VAV3: variants seen among roughly 807,000 people sequenced by gnomAD.
VAV3 encodes the protein vav guanine nucleotide exchange factor 3.
A neutral mutation model predicts 131.2 loss-of-function variants in VAV3; 94 were observed. That is an observed-to-expected ratio of 0.72 (90% confidence interval 0.61 to 0.85). VAV3 has a LOEUF of 0.85. Among genes scored for constraint, VAV3 ranks in the 40% least tolerant of loss-of-function variants. The pLI, the probability that VAV3 is intolerant of heterozygous loss-of-function variation, is 0.00. For synonymous variants in VAV3, 349 were observed against 342.0 expected (o/e 1.02, Z -0.22); for missense variants, 939 against 1,002.7 (o/e 0.94, Z 0.86).
chr1:107,964,569 C>G, intron 1 of VAV3, 97 bp downstream of exon 1: 1 of 1,360,886 alleles, frequency 7.3e-7, no homozygotes, highest in Admixed American at 2.2e-5. Flanking sequence ...AGGGCAAGCT[C>G]AGCGCACCTA....
At chr1:107,586,530 A>C (rs1487807538) in intron 25 of VAV3, among the ~76,000 whole-genome samples, 1 of 152,226 alleles carries the variant, frequency 6.6e-6, no homozygotes, top group Non-Finnish European at 1.5e-5. Context: ...GTTTTGAATA[A>C]AGAAAAATCT....
At chr1:107,864,440 G>T (rs1166728515) in intron 2 of VAV3, among the ~76,000 whole-genome samples, 1 of 152,086 alleles carries the variant, frequency 6.6e-6, no homozygotes, top group Non-Finnish European at 1.5e-5. Flanking sequence ...TGGGCAACAT[G>T]GCAAAACCCT....
At chr1:107,582,812 T>C (rs527705360) in intron 25 of VAV3, among the ~76,000 whole-genome samples, 6 of 152,244 alleles carry the variant, frequency 3.9e-5, no homozygotes, top group South Asian at 4.2e-4. Context: ...CAGTCTATCA[T>C]TGTTGGACAT....
chr1:107,958,288 A>C (rs1367258845), intron 1 of VAV3, among the ~76,000 whole-genome samples: 1 of 152,242 alleles, frequency 6.6e-6, no homozygotes, highest in African/African-American at 2.4e-5. Context: ...TCTGTAAGTC[A>C]CACCACCTTG....
intron 1 of VAV3, among the ~76,000 whole-genome samples, chr1:107,937,853 A>T (rs1333652497): frequency 6.6e-6 from 1 of 152,246 alleles, no homozygotes; most frequent in Non-Finnish European, 1.5e-5. Flanking sequence ...AAAATTTTAG[A>T]ATGTAGTACA....
intron 15 of VAV3, among the ~76,000 whole-genome samples, chr1:107,709,293 T>C (rs191571884): frequency 2.0e-5 from 3 of 152,296 alleles, no homozygotes; most frequent in Admixed American, 2.0e-4. Flanking sequence ...AAATTAATGC[T>C]AGATATTCAT....
chr1:107,952,355 T>C (rs1347535153), intron 1 of VAV3, among the ~76,000 whole-genome samples: 1 of 151,328 alleles, frequency 6.6e-6, no homozygotes, highest in Non-Finnish European at 1.5e-5. Flanking sequence ...AAATCACTAA[T>C]GGGTACTAGG....
At chr1:107,605,846 C>A (rs1327450461) in intron 22 of VAV3, among the ~76,000 whole-genome samples, 4 of 152,162 alleles carry the variant, frequency 2.6e-5, no homozygotes, top group African/African-American at 9.7e-5. Flanking sequence ...CTGAAAAAAT[C>A]TGAAATTCAA....
At chr1:107,692,132 G>A (rs1442974218) in intron 17 of VAV3, among the ~76,000 whole-genome samples, 1 of 152,060 alleles carries the variant, frequency 6.6e-6, no homozygotes, top group African/African-American at 2.4e-5. Flanking sequence ...CTATCATCGT[G>A]ACTAAAGTGC....
chr1:107,881,671 A>G (rs929798178), intron 1 of VAV3, among the ~76,000 whole-genome samples: 1 of 152,204 alleles, frequency 6.6e-6, no homozygotes, highest in South Asian at 2.1e-4. Context: ...AAAGCACTCA[A>G]TATCAATGCA....
At chr1:107,790,190 C>T (rs1463538984) in intron 2 of VAV3, among the ~76,000 whole-genome samples, 2 of 152,204 alleles carry the variant, frequency 1.3e-5, no homozygotes, top group African/African-American at 4.8e-5. Flanking sequence ...GAAAAGGTGG[C>T]CAGCCCTGGA....
intron 21 of VAV3, among the ~76,000 whole-genome samples, chr1:107,612,912 G>A (rs1198595891): frequency 6.6e-6 from 1 of 152,040 alleles, no homozygotes; most frequent in Non-Finnish European, 1.5e-5. Context: ...TCCAGTGCCT[G>A]CCTTTGAGCT....
intron 1 of VAV3, among the ~76,000 whole-genome samples, chr1:107,916,092 T>C (rs1346024842): frequency 6.6e-6 from 1 of 152,176 alleles, no homozygotes; most frequent in African/African-American, 2.4e-5. Context: ...TAACAAAAAC[T>C]ATTAATACTT....
At position 107,954,772 on chromosome 1, in the gene VAV3, G is replaced by GGC. The variant is rs1553235763; in HGVS notation, c.204+9893_204+9894insGC. Among the ~76,000 whole-genome samples, 2 of 149,984 alleles carry GGC rather than the reference G, an allele frequency of 1.3e-5. 1 individual carries two copies. Among genetic ancestry groups the GGC allele is most frequent in the African/African-American group, 5.0e-5 (2 of 39,660 alleles). On this transcript the variant is annotated intron_variant, in intron 1 of 26. Coordinates refer to ENST00000370056, the MANE Select transcript of VAV3 (RefSeq NM_006113.5). ...ACAACAGGAAAATACCATGGGAGGG[G>GGC]GGGAAATTCATTGCAGTCCTCATCG...
intron 20 of VAV3, among the ~76,000 whole-genome samples, chr1:107,622,847 A>G (rs1447577939): frequency 6.6e-6 from 1 of 152,224 alleles, no homozygotes; most frequent in Non-Finnish European, 1.5e-5. Context: ...TAATGGGAAT[A>G]TAGGTGAATA....
At chr1:107,897,216 A>G (rs1463515041) in intron 1 of VAV3, 1 of 151,352 alleles carries the variant, frequency 6.6e-6, no homozygotes, top group East Asian at 2.0e-4. Context: ...TTGAACAACT[A>G]AATTAATAAA....
chr1:107,740,406 T>C (rs1188586731), intron 15 of VAV3, among the ~76,000 whole-genome samples: 2 of 152,182 alleles, frequency 1.3e-5, no homozygotes, highest in African/African-American at 4.8e-5. Context: ...AACCATGTGA[T>C]AAAACTTAAT....
intron 25 of VAV3, chr1:107,576,567 T>A: frequency 9.6e-7 from 1 of 1,046,206 alleles, no homozygotes; most frequent in African/African-American, 1.6e-5. Context: ...ACTTCTTTCC[T>A]ATCACCATTT....
chr1:107,859,010 G>C (rs987697932), intron 2 of VAV3, among the ~76,000 whole-genome samples: 1 of 151,316 alleles, frequency 6.6e-6, no homozygotes, highest in Non-Finnish European at 1.5e-5. Context: ...TTGTTGTTTA[G>C]CCAGATAAAA....
Sources: allele counts gnomAD v4.1 joint callset (sites outside exome capture counted in the v4.1 genomes callset), GRCh38; gene constraint gnomAD v4.1.1; transcripts MANE v1.5; gene names NCBI Gene and HGNC (gene_info 2026-07-23, HGNC 2026-07-21).